GIT2: variants seen among roughly 807,000 people sequenced by gnomAD.
GIT2 encodes the protein ARF GTPase-activating protein GIT2.
In GIT2, 32 loss-of-function variants were observed where a neutral mutation model predicts 100.3. That is an observed-to-expected ratio of 0.32 (90% CI 0.24 to 0.43). The LOEUF is 0.43. GIT2 is among the 20% of genes least tolerant of loss of function. GIT2 has a pLI of 1.00. For synonymous variants in GIT2, 353 were observed against 364.1 expected (o/e 0.97, Z 0.35); for missense variants, 737 against 975.1 (o/e 0.76, Z 3.25).
At chr12:109,964,721 AATG>A (rs1192680243) in intron 9 of GIT2, among the ~76,000 whole-genome samples, 1 of 151,446 alleles carries the variant, frequency 6.6e-6, no homozygotes, top group African/African-American at 2.4e-5. Context: ...GTGAGAGCTG[AATG>A]ATGCCCTTAC....
At chr12:109,966,487 C>A (rs1397143513) in intron 8 of GIT2, among the ~76,000 whole-genome samples, 1 of 122,462 alleles carries the variant, frequency 8.2e-6, no homozygotes, top group African/African-American at 3.2e-5. Flanking sequence ...CCAGTCTGGG[C>A]GACAGAGCAA....
At chr12:109,981,537 G>C (rs1197220768) in intron 6 of GIT2, 3 of 157,680 alleles carry the variant, frequency 1.9e-5, no homozygotes, top group African/African-American at 7.2e-5. Flanking sequence ...CTCTGGATAA[G>C]AGTCTAGTAA....
upstream of GIT2, chr12:109,997,471 A>C (rs1889610455): frequency 6.6e-6 from 1 of 152,234 alleles, no homozygotes; most frequent in Non-Finnish European, 1.5e-5. Context: ...CAAAATTAAG[A>C]TAATGCATTG....
intron 6 of GIT2, 150 bp from the exon 7 acceptor site, chr12:109,981,196 A>G: frequency 1.6e-6 from 1 of 634,490 alleles, no homozygotes; most frequent in Non-Finnish European, 2.8e-6. Flanking sequence ...AGATTTCTGA[A>G]GTCTACTTTG....
chr12:109,997,240 G>A (rs1215334008), upstream of GIT2, among the ~76,000 whole-genome samples: 14 of 150,780 alleles, frequency 9.3e-5, no homozygotes, highest in Non-Finnish European at 1.9e-4. Context: ...TTAGCCGGGC[G>A]TGGTGGCGCA....
At position 109,947,779 on chromosome 12, in the gene GIT2, T is replaced by C; in HGVS notation, c.1393-275A>G. The C allele has an allele frequency of 2.6e-6, 1 of 387,866 alleles. No individual in the cohort carries two copies. The allele number at this position is 387,866 out of a possible 1,614,324, so 24.0% of individuals were successfully genotyped here. A position where few individuals can be genotyped will look rare whatever the true frequency, so the allele number is the denominator to read the frequency against. On this transcript the variant is annotated intron_variant, in intron 14 of 19. Transcript: ENST00000355312. The surrounding 1 kb of genome is among the most constrained non-coding windows in gnomAD (Gnocchi z 4.3). ...TCCTCAAAACAAAATGTCTAACCAC[T>C]TTAAAATTTGTCATGGTGGGGCTGG...
At chr12:109,960,375 G>A (rs1375423347) in intron 11 of GIT2, among the ~76,000 whole-genome samples, 18 of 152,164 alleles carry the variant, frequency 1.2e-4, no homozygotes, top group Admixed American at 1.2e-3. Flanking sequence ...TGTAATCCCA[G>A]AACCTTGGGA....
At chr12:109,981,225 T>C (rs1252535337) in intron 6 of GIT2, 179 bp from the exon 7 acceptor site, 1 of 570,956 alleles carries the variant, frequency 1.8e-6, no homozygotes, top group East Asian at 2.9e-5. Flanking sequence ...TTTTATAAAC[T>C]GTTTTCACCA....
intron 7 of GIT2, among the ~76,000 whole-genome samples, chr12:109,977,003 A>G (rs1312909653): frequency 1.3e-5 from 2 of 152,162 alleles, no homozygotes; most frequent in African/African-American, 2.4e-5. Context: ...TTTCATTCCT[A>G]AAGTTCCAAG....
intron 7 of GIT2, among the ~76,000 whole-genome samples, chr12:109,973,042 G>T (rs1223472555): frequency 6.6e-6 from 1 of 152,086 alleles, no homozygotes; most frequent in Non-Finnish European, 1.5e-5. Context: ...TGCCCAGGCT[G>T]GTCGCAAACT....
At chr12:109,942,210 T>C (rs1186184313) in intron 16 of GIT2, among the ~76,000 whole-genome samples, 1 of 152,214 alleles carries the variant, frequency 6.6e-6, no homozygotes, top group Non-Finnish European at 1.5e-5. Flanking sequence ...CATATATGAA[T>C]AGATAAAAAC....
Position 109,933,956 on chromosome 12 carries a change from G to A in GIT2, c.2067+66C>T. The A allele has an allele frequency of 1.1e-6, 1 of 873,894 alleles. No individual in the cohort carries two copies. Among genetic ancestry groups the A allele is most frequent in the Non-Finnish European group, 2.0e-6 (1 of 504,000 alleles). The allele number at this position is 873,894 out of a possible 1,614,324, so 54.1% of individuals were successfully genotyped here. On this transcript the variant is annotated intron_variant, in intron 19 of 19. Coordinates refer to ENST00000355312, the MANE Select transcript of GIT2 (RefSeq NM_057169.5). This position sits in a 1 kb window ranked among gnomAD's most constrained non-coding sequence, Gnocchi z 4.5. ...ACAAAAAAGCTAATGTAATATATAG[G>A]TCATAAAGAAATTTCTTGCTGTTCA...
chr12:109,991,477 T>C lies in GIT2; in HGVS notation c.186+150A>G, dbSNP rs1029135041. The C allele has an allele frequency of 7.7e-5, 49 of 636,978 alleles. No individual in the cohort carries two copies. The East Asian group carries it at 1.3e-3, about 17-fold the overall frequency. 39.5% of individuals were successfully genotyped at this position (636,978 alleles called of 1,614,324 possible). A position where few individuals can be genotyped will look rare whatever the true frequency, so the allele number is the denominator to read the frequency against. On this transcript the variant is annotated intron_variant, in intron 2 of 19. Transcript: ENST00000355312. ...TACTGAATTCAATACAGATAATATT[T>C]GTAAATAGCATTGATGGGCATGCCA...
intron 16 of GIT2, chr12:109,940,018 C>T (rs1874236953): frequency 6.6e-6 from 1 of 152,202 alleles, no homozygotes; most frequent in South Asian, 2.1e-4. Flanking sequence ...CCACCAAAGG[C>T]CACAAAGTCT....
chr12:109,947,533 TG>T lies in GIT2; in HGVS notation c.1393-30del. On this transcript the variant is annotated intron_variant, in intron 14 of 19. Coordinates refer to ENST00000355312, the MANE Select transcript of GIT2 (RefSeq NM_057169.5). This position sits in a 1 kb window ranked among gnomAD's most constrained non-coding sequence, Gnocchi z 4.3. The stretch of plus-strand genomic sequence containing the variant: ...AAAGAAATGTTTGGCAGTGGGACTG[TG>T]TTTTTTTACAGCAAGCAGAAAAAGC... 5 of 1,599,824 alleles carry T rather than the reference TG, an allele frequency of 3.1e-6. No individual in the cohort carries two copies. Among genetic ancestry groups the T allele is most frequent in the Non-Finnish European group, 4.3e-6 (5 of 1,171,730 alleles).
chr12:109,962,916 C>T lies in GIT2; in HGVS notation c.817-1231G>A, dbSNP rs192079120. ...CTTTGGGAGGCAGAGGCAGGAAGAT[C>T]ACTCACTTGAGCCTGGGAGTTCAAG... On this transcript the variant is annotated intron_variant, in intron 9 of 19. Coordinates refer to ENST00000355312, the MANE Select transcript of GIT2 (RefSeq NM_057169.5). This position sits in a 1 kb window ranked among gnomAD's most constrained non-coding sequence, Gnocchi z 4.3. Among the ~76,000 whole-genome samples, 207 of 152,174 alleles carry T rather than the reference C, an allele frequency of 1.4e-3. No homozygotes were observed. Among genetic ancestry groups the T allele is most frequent in the African/African-American group, 4.7e-3 (195 of 41,518 alleles).
At chr12:109,983,768 C>T (rs150078124) in intron 4 of GIT2, 74 bp from the exon 5 acceptor site, 321 of 875,664 alleles carry the variant, frequency 3.7e-4, no homozygotes, top group Admixed American at 4.9e-4. Context: ...AGCTGATAGA[C>T]CATTTTAATA....
At position 109,951,124 on chromosome 12, in the gene GIT2, G is replaced by A; in HGVS notation, c.1392+43C>T. 5 of 1,542,152 alleles carry A rather than the reference G, an allele frequency of 3.2e-6. No individual in the cohort carries two copies. The South Asian group carries it at 3.4e-5, about 10-fold the overall frequency. On this transcript the variant is annotated intron_variant, in intron 14 of 19. Transcript: ENST00000355312. ...TGCCTGAGATTCTTCCTTGTACTAT[G>A]GGATTAAAGCGTCAACCGTCCTGGC...
intron 6 of GIT2, chr12:109,982,077 G>T (rs1193240500): frequency 6.6e-6 from 1 of 152,176 alleles, no homozygotes; most frequent in East Asian, 1.9e-4. Flanking sequence ...TTAGTGCTCT[G>T]TGAAATAATG....
Sources: gnomAD v4.1 joint callset for allele counts (sites outside exome capture counted in the v4.1 genomes callset) on GRCh38, gnomAD v4.1.1 for gene constraint, Gnocchi (gnomAD v3.1) non-coding constraint, MANE v1.5 for transcripts, NCBI Gene and HGNC (gene_info 2026-07-23, HGNC 2026-07-21) for gene names.